SALL4: variants seen among roughly 807,000 people sequenced by gnomAD.
The protein encoded by SALL4 is spalt like transcription factor 4, also known as sal-like protein 4.
In SALL4, 4 loss-of-function variants were observed where a neutral mutation model predicts 60.8. The observed-to-expected ratio is 0.07, with a 90% CI of 0.03 to 0.15. The LOEUF (loss-of-function observed/expected upper bound fraction) is 0.15. Among genes scored for constraint, SALL4 ranks in the 10% least tolerant of loss-of-function variants. The pLI, the probability that SALL4 is intolerant of heterozygous loss-of-function variation, is 1.00. For synonymous variants in SALL4, 580 were observed against 574.9 expected (o/e 1.01, Z -0.13); for missense variants, 1,178 against 1,394.7 (o/e 0.84, Z 2.48).
In SALL4 at chr20:51,802,362, T is replaced by G. The variant is rs548580637; in HGVS notation, c.47A>C (p.Glu16Ala). 3.1e-6 allele frequency: 5 copies of G among 1,611,354 alleles called. No individual in the cohort carries two copies. The South Asian group carries it at 3.3e-5, about 11-fold the overall frequency. ...QAKPQHINSE[E>A]DQGEQQPQQQ... is the part of the protein sequence containing the mutation. ...CTGCGGCTGCTGCTCGCCCTGGTCC[T>G]CCTCCGAGTTGATGTGCTGGGGTTT... Residue 16 changes from glutamate (E) to alanine (A), a missense_variant, in exon 1 of 4, where the codon GAG (glutamate) becomes GCG (alanine). Glu to Ala is a moderately radical substitution (Grantham distance 107, BLOSUM62 -1). Coordinates refer to ENST00000217086, the MANE Select transcript of SALL4 (RefSeq NM_020436.5).
rs1490791194 is a variant in SALL4, at chr20:51,792,459, T to G, written c.131-107A>C. On this transcript the variant is annotated intron_variant, in intron 1 of 3. Coordinates refer to ENST00000217086, the MANE Select transcript of SALL4 (RefSeq NM_020436.5). ...ATCCTAGCACTTTGGGAGGCTGAGG[T>G]GGGCAGATCACCTGAGGTTGGGAAT... 2.9e-6 allele frequency: 4 copies of G among 1,365,828 alleles called. No homozygotes were observed. The East Asian group carries it at 9.2e-5, about 32-fold the overall frequency. 84.6% of individuals were successfully genotyped at this position (1,365,828 alleles called of 1,614,324 possible).
chr20:51,799,719 C>T (rs1044578871), intron 1 of SALL4, among the ~76,000 whole-genome samples: 4 of 152,188 alleles, frequency 2.6e-5, no homozygotes, highest in African/African-American at 9.7e-5. Context: ...GAATCCTAAT[C>T]GTTGATGTTT....
At position 51,801,636 on chromosome 20, in the gene SALL4, A is replaced by C. The variant is rs1406078147; in HGVS notation, c.130+643T>G. ...CAGAAAAGAAAAAAATTTTAAAGGGAAACATTGAGCCCTCCTCCCCCACCT... is the reference window on the plus strand; with the variant it reads ...CAGAAAAGAAAAAAATTTTAAAGGGCAACATTGAGCCCTCCTCCCCCACCT... On this transcript the variant is annotated intron_variant, in intron 1 of 3. Transcript: ENST00000217086. This position sits in a 1 kb window ranked among gnomAD's most constrained non-coding sequence, Gnocchi z 5.2. 1 of 152,398 alleles carries C rather than the reference A, an allele frequency of 6.6e-6. No individual in the cohort carries two copies. The highest frequency in any genetic ancestry group is 1.5e-5 in the Non-Finnish European group (1 of 68,364). 9.4% of individuals were successfully genotyped at this position (152,398 alleles called of 1,614,324 possible).
Position 51,789,025 on chromosome 20 carries a change from C to T in SALL4, c.2578G>A (p.Ala860Thr), listed in dbSNP as rs753974205. 4 of 1,614,230 alleles carry T rather than the reference C, an allele frequency of 2.5e-6. No homozygotes were observed. Among genetic ancestry groups the T allele is most frequent in the Non-Finnish European group, 3.4e-6 (4 of 1,180,050 alleles). Residue 860 changes from alanine (A) to threonine (T), a missense_variant, in exon 3 of 4, where the codon GCA becomes ACA. By Grantham distance (58) the Ala-to-Thr change is moderately conservative (BLOSUM62 0). Coordinates refer to ENST00000217086, the MANE Select transcript of SALL4 (RefSeq NM_020436.5). Reference protein sequence around the residue: ...TLSPGMTPLLAAQPRRQAKQH... With the variant: ...TLSPGMTPLLTAQPRRQAKQH... ...TTGGCCTGTCGGCGTGGCTGGGCTG[C>T]TAACAAAGGGGTCATCCCTGGGGAC...
chr20:51,784,948 C>T (rs1213592415), intron 3 of SALL4, among the ~76,000 whole-genome samples: 1 of 152,160 alleles, frequency 6.6e-6, no homozygotes, highest in Non-Finnish European at 1.5e-5. Flanking sequence ...TTTGCATTAG[C>T]TTACAGTTAG....
Position 51,802,161 on chromosome 20 carries a change from A to C in SALL4, c.130+118T>G, listed in dbSNP as rs1461543432. ...TCTCCTCCCGGGCACTGAGCCCCCA[A>C]ATCTCGGCTCCTGAATTTGCGCTGG... On this transcript the variant is annotated intron_variant, in intron 1 of 3. Transcript: ENST00000217086. 9 of 1,295,058 alleles carry C rather than the reference A, an allele frequency of 6.9e-6. No individual in the cohort carries two copies. The South Asian group carries it at 1.1e-4, about 15-fold the overall frequency. 80.2% of individuals were successfully genotyped at this position (1,295,058 alleles called of 1,614,324 possible).
At chr20:51,798,701 G>C (rs1020318916) in intron 1 of SALL4, among the ~76,000 whole-genome samples, 1 of 151,814 alleles carries the variant, frequency 6.6e-6, no homozygotes, top group South Asian at 2.1e-4. Flanking sequence ...CCGTGTGAAG[G>C]CACATCCCAA....
chr20:51,799,937 G>C (rs957784113), intron 1 of SALL4, among the ~76,000 whole-genome samples: 4 of 151,994 alleles, frequency 2.6e-5, no homozygotes, highest in African/African-American at 9.7e-5. Flanking sequence ...AATTATGTGA[G>C]ACATATACAT....
At position 51,791,129 on chromosome 20, in the gene SALL4, C is replaced by T. The variant is rs775373539; in HGVS notation, c.1354G>A (p.Gly452Ser). 8.1e-6 allele frequency: 13 copies of T among 1,614,098 alleles called. No homozygotes were observed. Among genetic ancestry groups the T allele is most frequent in the South Asian group, 3.3e-5 (3 of 91,068 alleles). The change falls in exon 2 of 4, where the codon GGC (glycine) becomes AGC (serine). Residue 452 changes from glycine (G) to serine (S), a missense_variant. Gly to Ser is a moderately conservative substitution (Grantham distance 56). Transcript: ENST00000217086. The surrounding 1 kb of genome is among the most constrained non-coding windows in gnomAD (Gnocchi z 4.6). ...GAGAGTGCATAGGGGATGCCATTGC[C>T]GGCCGCCACTTTGTCCTGGAACTCG... The part of the protein sequence containing the change: ...FAEFQDKVAA[G>S]NGIPYALSVP...
chr20:51,795,951 T>C (rs962928247), intron 1 of SALL4, among the ~76,000 whole-genome samples: 1 of 151,986 alleles, frequency 6.6e-6, no homozygotes, highest in South Asian at 2.1e-4. Flanking sequence ...TCCCAGCACT[T>C]TGGGAGGCCG....
In SALL4 at chr20:51,792,340, T is replaced by C. The variant is rs781082707; in HGVS notation, c.143A>G (p.Asn48Ser). 28 of 1,603,466 alleles carry C rather than the reference T, an allele frequency of 1.7e-5. No homozygotes were observed. Among genetic ancestry groups the C allele is most frequent in the Non-Finnish European group, 2.3e-5 (27 of 1,179,936 alleles). Residue 48 changes from asparagine to serine, a missense_variant, in exon 2 of 4, where the codon AAC becomes AGC. This residue lies in a region of SALL4 where 108 missense variants were observed against 95.7 expected (regional missense o/e 1.13). Coordinates refer to ENST00000217086, the MANE Select transcript of SALL4 (RefSeq NM_020436.5). ...PAAGELGAPV[N>S]HPGNDEVASE... Reference sequence around the variant, plus strand: ...CGCCACCTCGTCATTCCCTGGGTGGTTCACTGGAGCACCTGTAACAAGACA... The same window carrying C: ...CGCCACCTCGTCATTCCCTGGGTGGCTCACTGGAGCACCTGTAACAAGACA...
At chr20:51,795,935 C>T (rs1004496593) in intron 1 of SALL4, among the ~76,000 whole-genome samples, 1 of 152,138 alleles carries the variant, frequency 6.6e-6, no homozygotes, top group African/African-American at 2.4e-5. Context: ...TGGCTCACAC[C>T]TGTAATCCCA....
Position 51,789,224 on chromosome 20 carries a change from A to G in SALL4, c.2462-83T>C. 3 of 1,508,954 alleles carry G rather than the reference A, an allele frequency of 2.0e-6. 1 individual carries two copies. The highest frequency in any genetic ancestry group is 2.5e-5 in the South Asian group (2 of 80,204). The allele number at this position is 1,508,954 out of a possible 1,614,324, so 93.5% of individuals were successfully genotyped here. ...TTCAAAGCAAAAGAGATCTTTAAAA[A>G]TAACTGCCTGCTAGTTTGAGAGTCT... On this transcript the variant is annotated intron_variant, in intron 2 of 3. Transcript: ENST00000217086.
intron 1 of SALL4, chr20:51,792,814 G>A: frequency 9.5e-7 from 1 of 1,048,080 alleles, no homozygotes; most frequent in Non-Finnish European, 1.2e-6. Flanking sequence ...CTGTGTTTTA[G>A]CCAGATGCTG....
intron 1 of SALL4, among the ~76,000 whole-genome samples, chr20:51,795,647 A>G (rs2078074934): frequency 6.6e-6 from 1 of 152,152 alleles, no homozygotes; most frequent in Admixed American, 6.5e-5. Context: ...CTTGTTAGGG[A>G]AGGAAATACA....
rs1217281158 is a variant in SALL4, at chr20:51,790,723, G to C, written c.1760C>G (p.Thr587Ser). ...CTGGAACGGTCTCTCCCCGGTGTGG[G>C]TGCGATAATGCATCTTGAGGGAGCT... is the stretch of plus-strand genomic sequence containing the variant. ...CQSSLKMHYRTHTGERPFQCK... is the reference protein window; with the variant it reads ...CQSSLKMHYRSHTGERPFQCK... The change falls in exon 2 of 4, where the codon ACC (threonine) becomes AGC (serine). Residue 587 changes from threonine (T) to serine (S), a missense_variant. Physicochemically the swap from Thr to Ser is moderately conservative, Grantham distance 58 (BLOSUM62 1). This residue lies in a region of SALL4 where 853 missense variants were observed against 1,036.8 expected (regional missense o/e 0.82). Transcript: ENST00000217086. This position sits in a 1 kb window ranked among gnomAD's most constrained non-coding sequence, Gnocchi z 5.5. The C allele has an allele frequency of 1.9e-6, 3 of 1,614,178 alleles. No individual in the cohort carries two copies. In the Admixed American group the frequency reaches 5.0e-5, roughly 27 times the overall value.
In SALL4 at chr20:51,788,702, A is replaced by C. The variant is rs2078010596; in HGVS notation, c.2742+159T>G. On this transcript the variant is annotated intron_variant, in intron 3 of 3. Coordinates refer to ENST00000217086, the MANE Select transcript of SALL4 (RefSeq NM_020436.5). This position sits in a 1 kb window ranked among gnomAD's most constrained non-coding sequence, Gnocchi z 4.1. ...GACAGAGTGAGACTCCGTCTCAAAA[A>C]TAAATAAATAAATAAACAAACTCCT... Among the ~76,000 whole-genome samples, 1 of 151,286 alleles carries C rather than the reference A, an allele frequency of 6.6e-6. No homozygotes were observed. Among genetic ancestry groups the C allele is most frequent in the Non-Finnish European group, 1.5e-5 (1 of 67,984 alleles).
rs2078108504 is a variant in SALL4 at position 51,801,355 on chromosome 20, C to T, written c.130+924G>A. 1 of 152,386 alleles carries T rather than the reference C, an allele frequency of 6.6e-6. No homozygotes were observed. Among genetic ancestry groups the T allele is most frequent in the Non-Finnish European group, 1.5e-5 (1 of 68,224 alleles). The allele number at this position is 152,386 out of a possible 1,614,324, so 9.4% of individuals were successfully genotyped here. On this transcript the variant is annotated intron_variant, in intron 1 of 3. Transcript: ENST00000217086. The surrounding 1 kb of genome is among the most constrained non-coding windows in gnomAD (Gnocchi z 5.2). ...TCAGCCGCGGGAGTTCGCTCTGGCC[C>T]CCCACCTCTCCCCTTTCACACCCAA...
At chr20:51,792,823 TG>T in intron 1 of SALL4, 1 of 1,039,242 alleles carries the variant, frequency 9.6e-7, no homozygotes, top group Non-Finnish European at 1.2e-6. Context: ...AGCCAGATGC[TG>T]GGGTCCTTCA....
Sources: gnomAD v4.1 joint callset for allele counts (sites outside exome capture counted in the v4.1 genomes callset) on GRCh38, gnomAD v4.1.1 for gene constraint, gnomAD v4.1.1 regional missense constraint, Gnocchi (gnomAD v3.1) non-coding constraint, MANE v1.5 for transcripts, NCBI Gene and HGNC (gene_info 2026-07-23, HGNC 2026-07-21) for gene names.